MCMBP: variants seen among roughly 807,000 people sequenced by gnomAD.
MCMBP encodes the protein mini-chromosome maintenance complex-binding protein.
Under a neutral mutation model 81.3 loss-of-function variants are expected in MCMBP, and 31 were observed. That is an observed-to-expected ratio of 0.38 (90% CI 0.29 to 0.51). MCMBP has a LOEUF of 0.51. Ranked by LOEUF, MCMBP falls within the 20% of genes least tolerant of loss-of-function variation. The probability of loss-of-function intolerance (pLI) is 0.87; values close to 1 mark genes in which losing one functional copy is unlikely to be tolerated. For synonymous variants in MCMBP, 267 were observed against 275.9 expected, an observed-to-expected ratio of 0.97 and a Z score of 0.32; for missense variants, 645 against 772.1, an observed-to-expected ratio of 0.84 and a Z score of 1.95.
intron 9 of MCMBP, chr10:119,842,963 G>C (rs903390617): frequency 5.1e-6 from 2 of 391,168 alleles, no homozygotes; most frequent in Non-Finnish European, 9.8e-6. Flanking sequence ...ATATTGGCCA[G>C]GCTAGTCTCG....
At chr10:119,849,296 G>A (rs959023466) in intron 7 of MCMBP, 129 bp downstream of exon 7, 7 of 932,346 alleles carry the variant, frequency 7.5e-6, no homozygotes, top group Non-Finnish European at 1.1e-5. Flanking sequence ...TGCTGCTTTA[G>A]GCTATTAAAT....
intron 8 of MCMBP, among the ~76,000 whole-genome samples, chr10:119,844,647 G>A (rs1370912061): frequency 6.6e-6 from 1 of 152,134 alleles, no homozygotes; most frequent in Non-Finnish European, 1.5e-5. Context: ...TGTCTGTGAG[G>A]GTGTTGCCAA....
At chr10:119,858,027 T>C (rs1328079235) in intron 4 of MCMBP, 4 of 152,294 alleles carry the variant, frequency 2.6e-5, no homozygotes, top group African/African-American at 9.7e-5. Flanking sequence ...TCTGTTTTTC[T>C]TTTAGAGTGT....
intron 1 of MCMBP, among the ~76,000 whole-genome samples, chr10:119,863,724 G>C (rs1179826254): frequency 1.2e-5 from 1 of 86,000 alleles, no homozygotes; most frequent in Non-Finnish European, 2.0e-5. Context: ...GTGAGGCTCA[G>C]ACTCAAAAAA....
Position 119,849,494 on chromosome 10 carries a change from C to T in MCMBP, c.657G>A (p.Leu219=). 1 of 1,611,550 alleles carries T rather than the reference C, an allele frequency of 6.2e-7. No individual in the cohort carries two copies. The highest frequency in any genetic ancestry group is 1.1e-5 in the South Asian group (1 of 90,604). ...EASTGQQLNS[L]NLSSPFDLNF... ...TCAAATCAAAAGGAGAAGACAAGTT[C>T]AGAGAGTTCAGCTGTTGCCCAGTAG... Residue 219 remains leucine (L), a synonymous_variant, in exon 7 of 16, where the codon CTG becomes CTA. Transcript: ENST00000369077.
rs76402459 is a variant in MCMBP, at chr10:119,841,161, C to T, written c.1125-201G>A. ...GTGCTGCTGGTCACGTGCCAAAGAC[C>T]GTTCTGAGTATGTAAATGCTTCCTC... On this transcript the variant is annotated intron_variant, in intron 10 of 15. Coordinates refer to ENST00000369077, the MANE Select transcript of MCMBP (RefSeq NM_001256378.2). Among the ~76,000 whole-genome samples, 31 of 152,318 alleles carry T rather than the reference C, an allele frequency of 2.0e-4. No individual in the cohort carries two copies. In the East Asian group the frequency reaches 4.0e-3, roughly 20 times the overall value.
chr10:119,859,673 T>G (rs926756351), intron 2 of MCMBP, 126 bp downstream of exon 2: 2 of 617,086 alleles, frequency 3.2e-6, no homozygotes, highest in Admixed American at 3.3e-5. Flanking sequence ...TTAATACAAA[T>G]GTACTTGAAG....
chr10:119,854,670 T>C (rs1342766675), intron 5 of MCMBP, among the ~76,000 whole-genome samples: 3 of 151,732 alleles, frequency 2.0e-5, no homozygotes, highest in Admixed American at 1.3e-4. Context: ...AAAAAAATAA[T>C]TGCTGGCCGG....
chr10:119,855,567 G>T (rs952389446), intron 5 of MCMBP, among the ~76,000 whole-genome samples: 4 of 152,132 alleles, frequency 2.6e-5, no homozygotes, highest in African/African-American at 9.7e-5. Context: ...AGCTACTTGG[G>T]AGGCTGAGGC....
Position 119,850,874 on chromosome 10 carries a change from G to GTTTTTTTTTTTTTTTT in MCMBP, c.575-1314_575-1299dup, listed in dbSNP as rs1284100421. 3.0e-4 allele frequency among the ~76,000 whole-genome samples: 39 copies of GTTTTTTTTTTTTTTTT among 130,532 alleles called. 2 individuals carry two copies. The highest frequency in any genetic ancestry group is 4.8e-4 in the South Asian group (2 of 4,148). The allele number at this position is 130,532 out of a possible 152,430, so 85.6% of individuals were successfully genotyped here. A position where few individuals can be genotyped will look rare whatever the true frequency, so the allele number is the denominator to read the frequency against. On this transcript the variant is annotated intron_variant, in intron 6 of 15. Coordinates refer to ENST00000369077, the MANE Select transcript of MCMBP (RefSeq NM_001256378.2). The stretch of plus-strand genomic sequence containing the variant: ...AGAGGCTAAAAGGTATACAAGATCT[G>GTTTTTTTTTTTTTTTT]TTTTTTTTTTTTTTTTTTGAGACAG...
intron 1 of MCMBP, among the ~76,000 whole-genome samples, chr10:119,870,008 G>A (rs1395118375): frequency 6.6e-6 from 1 of 152,210 alleles, no homozygotes. Context: ...TTAATTTTGT[G>A]TAATTTTAAT....
intron 1 of MCMBP, 87 bp from the exon 2 acceptor site, chr10:119,859,971 T>C: frequency 9.9e-7 from 1 of 1,008,082 alleles, no homozygotes; most frequent in East Asian, 2.4e-5. Context: ...AATAGTTTAG[T>C]CAGCAAAAAA....
intron 8 of MCMBP, among the ~76,000 whole-genome samples, chr10:119,844,746 G>C (rs192208509): frequency 5.9e-5 from 9 of 152,334 alleles, no homozygotes; most frequent in Non-Finnish European, 1.0e-4. Flanking sequence ...CCAGCATAAA[G>C]GCAGGCATGT....
At chr10:119,861,109 CA>C (rs1311337912) in intron 1 of MCMBP, among the ~76,000 whole-genome samples, 1 of 152,196 alleles carries the variant, frequency 6.6e-6, no homozygotes, top group East Asian at 1.9e-4. Context: ...ATTCATCACA[CA>C]AGTGTTATGA....
intron 6 of MCMBP, among the ~76,000 whole-genome samples, chr10:119,852,456 C>T (rs954702884): frequency 6.6e-6 from 1 of 152,186 alleles, no homozygotes; most frequent in Non-Finnish European, 1.5e-5. Flanking sequence ...AGAAGGATCA[C>T]CTGAGCCCAG....
In MCMBP at chr10:119,843,125, T is replaced by G. The variant is rs375584564; in HGVS notation, c.1000+129A>C. The G allele has an allele frequency of 1.6e-5, 16 of 1,016,582 alleles. No homozygotes were observed. The African/African-American group carries it at 2.1e-4, about 13-fold the overall frequency. 63.0% of individuals were successfully genotyped at this position (1,016,582 alleles called of 1,614,324 possible). A position where few individuals can be genotyped will look rare whatever the true frequency, so the allele number is the denominator to read the frequency against. On this transcript the variant is annotated intron_variant, in intron 9 of 15. Coordinates refer to ENST00000369077, the MANE Select transcript of MCMBP (RefSeq NM_001256378.2). ...GAAAAATGGGGCAACGAGAGAGAGA[T>G]TACTGAAAACACTTATTGTGAGGAA...
chr10:119,867,082 G>C (rs901826129), intron 1 of MCMBP, among the ~76,000 whole-genome samples: 15 of 151,878 alleles, frequency 9.9e-5, no homozygotes, highest in Admixed American at 9.8e-4. Flanking sequence ...CACGAGGGCA[G>C]AGGAGGTCGA....
chr10:119,840,369 CCT>C (rs1373461350), intron 11 of MCMBP, among the ~76,000 whole-genome samples: 2 of 152,130 alleles, frequency 1.3e-5, no homozygotes, highest in East Asian at 1.9e-4. Flanking sequence ...AAGCAATTCC[CCT>C]GTTCCCAAGA....
At chr10:119,866,669 T>C (rs906569554) in intron 1 of MCMBP, among the ~76,000 whole-genome samples, 7 of 151,954 alleles carry the variant, frequency 4.6e-5, no homozygotes, top group Admixed American at 1.3e-4. Context: ...TTGCACAACA[T>C]CATTATGAAT....
Sources: allele counts gnomAD v4.1 joint callset (sites outside exome capture counted in the v4.1 genomes callset), GRCh38; gene constraint gnomAD v4.1.1; transcripts MANE v1.5; gene names NCBI Gene and HGNC (gene_info 2026-07-23, HGNC 2026-07-21).